The following TTC3 variants were observed in gnomAD, a reference collection of about 807,000 sequenced individuals.
TTC3 encodes tetratricopeptide repeat domain 3, also known as E3 ubiquitin-protein ligase TTC3.
Under a neutral mutation model 249.6 loss-of-function variants are expected in TTC3, and 180 were observed. That is an observed-to-expected ratio of 0.72 (90% CI 0.64 to 0.82). TTC3 has a LOEUF of 0.82. TTC3 is among the 40% of genes least tolerant of loss of function. The probability of loss-of-function intolerance (pLI) is 0.00; values close to 1 mark genes in which losing one functional copy is unlikely to be tolerated. For synonymous variants in TTC3, 717 were observed against 805.0 expected, an observed-to-expected ratio of 0.89 and a Z score of 1.85; for missense variants, 2,061 against 2,398.4, an observed-to-expected ratio of 0.86 and a Z score of 2.94.
In TTC3 at chr21:37,132,505, G is replaced by A. The variant is rs542142033; in HGVS notation, c.1359-177G>A. ...TTTTTGTATTTTTAGTAGAGACAGA[G>A]TTTCACCATGTTGGTCAGGCTGGTC... On this transcript the variant is annotated intron_variant, in intron 16 of 45. Transcript: ENST00000355666. Among the ~76,000 whole-genome samples the A allele has an allele frequency of 1.3e-3, 200 of 152,002 alleles. 1 individual carries two copies. The highest frequency in any genetic ancestry group is 1.9e-3 in the Non-Finnish European group (129 of 67,962).
At chr21:37,201,503 A>G (rs1277608703) in exon 46 of TTC3, 7 of 1,613,998 alleles carry the variant, frequency 4.3e-6, no homozygotes, top group Non-Finnish European at 5.1e-6. Context: ...TGATCTCCTG[A>G]CAGAAGAGTC....
chr21:37,150,039 A>G lies in TTC3; in HGVS notation c.2119-39A>G, dbSNP rs753508975. On this transcript the variant is annotated intron_variant, in intron 23 of 45. Transcript: ENST00000355666. ...GTGTATAGATTTATCCCCCCTAGAC[A>G]TAACATTTTTCTTGTTTTTTTTTTT... is the stretch of plus-strand genomic sequence containing the variant. 10 of 1,449,704 alleles carry G rather than the reference A, an allele frequency of 6.9e-6. No individual in the cohort carries two copies. In the Admixed American group the frequency reaches 7.3e-5, roughly 11 times the overall value. The allele number at this position is 1,449,704 out of a possible 1,614,324, so 89.8% of individuals were successfully genotyped here.
chr21:37,073,580 C>G, intron 1 of TTC3, 107 bp downstream of exon 1: 1 of 832,426 alleles, frequency 1.2e-6, no homozygotes, highest in Non-Finnish European at 1.4e-6. Context: ...CCATTGCCTA[C>G]CCCAGTGGGT....
intron 15 of TTC3, among the ~76,000 whole-genome samples, chr21:37,127,406 A>T (rs914151862): frequency 6.6e-6 from 1 of 152,126 alleles, no homozygotes; most frequent in Non-Finnish European, 1.5e-5. Context: ...GCAGAACCTC[A>T]TTACTTGGCA....
At chr21:37,077,176 GATAATCAGTTTTACTTT>G (rs1368073146) in intron 1 of TTC3, among the ~76,000 whole-genome samples, 1 of 151,872 alleles carries the variant, frequency 6.6e-6, no homozygotes, top group East Asian at 1.9e-4. Context: ...AAAAGAATGA[GATAATCAGTTTTACTTT>G]AAAATGTTAC....
intron 1 of TTC3, among the ~76,000 whole-genome samples, chr21:37,075,989 A>T (rs561655898): frequency 6.6e-6 from 1 of 152,214 alleles, no homozygotes; most frequent in Non-Finnish European, 1.5e-5. Flanking sequence ...ATAGCAGAAC[A>T]ATAAAATGAA....
At chr21:37,148,572 G>A (rs1305456430) in exon 23 of TTC3, 4 of 1,598,250 alleles carry the variant, frequency 2.5e-6, no homozygotes, top group Non-Finnish European at 3.4e-6. Flanking sequence ...GCTGTTGCCA[G>A]TACTGTAAAA....
intron 17 of TTC3, among the ~76,000 whole-genome samples, chr21:37,133,057 T>C (rs772800024): frequency 3.6e-4 from 55 of 152,310 alleles, no homozygotes; most frequent in Admixed American, 1.3e-3. Flanking sequence ...CTATCACTAA[T>C]TTAAATATTA....
intron 35 of TTC3, among the ~76,000 whole-genome samples, chr21:37,173,738 T>C (rs2082003136): frequency 6.6e-6 from 1 of 152,142 alleles, no homozygotes; most frequent in Non-Finnish European, 1.5e-5. Context: ...GGTCAGTTTG[T>C]AAAGGTAACT....
intron 35 of TTC3, among the ~76,000 whole-genome samples, chr21:37,179,273 C>A (rs999702639): frequency 6.6e-6 from 1 of 152,052 alleles, no homozygotes; most frequent in Admixed American, 6.6e-5. Context: ...GGCAACAGAG[C>A]AAGACCCTGT....
chr21:37,111,973 A>G (rs962860482), intron 11 of TTC3, among the ~76,000 whole-genome samples: 14 of 151,952 alleles, frequency 9.2e-5, no homozygotes, highest in African/African-American at 3.1e-4. Context: ...AAATGAAGGC[A>G]GAAATAAAGA....
exon 24 of TTC3, chr21:37,150,121 T>C (rs1322136304): frequency 6.2e-7 from 1 of 1,613,348 alleles, no homozygotes; most frequent in South Asian, 1.1e-5. Context: ...TGTGAAGGTG[T>C]CATTTCTAAG....
chr21:37,112,905 G>A (rs1372242789), intron 11 of TTC3, among the ~76,000 whole-genome samples: 3 of 152,152 alleles, frequency 2.0e-5, no homozygotes, highest in Non-Finnish European at 4.4e-5. Context: ...ATCAATAAAT[G>A]TAATCCAGCA....
chr21:37,172,525 A>G, intron 34 of TTC3, 70 bp from the exon 35 acceptor site: 3 of 1,469,698 alleles, frequency 2.0e-6, no homozygotes, highest in Non-Finnish European at 2.7e-6. Flanking sequence ...TTTAAGAAAC[A>G]GTAAAGAACA....
Position 37,088,781 on chromosome 21 carries a change from A to G in TTC3, c.339-18A>G. On this transcript the variant is annotated intron_variant, in intron 4 of 45. Transcript: ENST00000355666. ...TATATGAGAATCTAATCTTTTAAAA[A>G]ATAAATTTGTCTTTAAGCAATTCAC... The G allele has an allele frequency of 1.9e-5, 30 of 1,602,364 alleles. No individual in the cohort carries two copies. Among genetic ancestry groups the G allele is most frequent in the Non-Finnish European group, 2.5e-5 (29 of 1,174,226 alleles).
chr21:37,144,628 C>T lies in TTC3; in HGVS notation c.1876C>T (p.Gln626Ter). Reference sequence around the variant, plus strand: ...GAGTAATGTGATTATTGAAGAGTCTCAGCCACAAAAAATAAAGGTAACCAT... The same window carrying T: ...GAGTAATGTGATTATTGAAGAGTCTTAGCCACAAAAAATAAAGGTAACCAT... The change falls in exon 21 of 46, where the codon CAG becomes TAG. Residue 626 changes from glutamine to a stop codon, truncating the protein, a stop_gained. Coordinates refer to ENST00000355666, the Ensembl canonical transcript of TTC3. LOFTEE classifies it high-confidence loss of function. The T allele has an allele frequency of 6.2e-7, 1 of 1,608,890 alleles. No homozygotes were observed. The highest frequency in any genetic ancestry group is 1.1e-5 in the South Asian group (1 of 89,716).
chr21:37,120,592 G>A (rs981102390), intron 11 of TTC3, among the ~76,000 whole-genome samples: 4 of 151,912 alleles, frequency 2.6e-5, no homozygotes, highest in African/African-American at 9.7e-5. Flanking sequence ...TATACTTTAG[G>A]TGTCAGGAAG....
chr21:37,185,595 A>G (rs2083169638), intron 36 of TTC3, 111 bp from the exon 37 acceptor site: 1 of 497,926 alleles, frequency 2.0e-6, no homozygotes. Context: ...AAAAATATAT[A>G]TATTAAAAAA....
chr21:37,135,654 A>G (rs2077866120), intron 18 of TTC3, 140 bp downstream of exon 18: 2 of 977,140 alleles, frequency 2.0e-6, no homozygotes, highest in Non-Finnish European at 2.9e-6. Flanking sequence ...AGGTTATGGG[A>G]AGCAGGTACT....
Sources: gnomAD v4.1 joint callset for allele counts (sites outside exome capture counted in the v4.1 genomes callset) on GRCh38, gnomAD v4.1.1 for gene constraint, MANE v1.5 for transcripts, NCBI Gene and HGNC (gene_info 2026-07-23, HGNC 2026-07-21) for gene names.